The following AXIN1 variants were observed in gnomAD, a reference collection of about 807,000 sequenced individuals.
AXIN1 encodes axin-1.
Under a neutral mutation model 76.4 loss-of-function variants are expected in AXIN1, and 30 were observed. That is an observed-to-expected ratio of 0.39 (90% CI 0.29 to 0.53). The LOEUF (loss-of-function observed/expected upper bound fraction) is 0.53. Among genes scored for constraint, AXIN1 ranks in the 20% least tolerant of loss-of-function variants. AXIN1 has a pLI of 0.66. For missense variants in AXIN1, 1,140 were observed against 1,198.8 expected, an observed-to-expected ratio of 0.95 and a Z score of 0.72; for synonymous variants, 545 against 501.4, an observed-to-expected ratio of 1.09 and a Z score of -1.16.
intron 4 of AXIN1, among the ~76,000 whole-genome samples, chr16:307,260 T>TA (rs1169623534): frequency 6.6e-6 from 1 of 152,086 alleles, no homozygotes; most frequent in South Asian, 2.1e-4. Flanking sequence ...GCGAGCTCCA[T>TA]AAAAAGACTC....
intron 1 of AXIN1, among the ~76,000 whole-genome samples, chr16:347,595 C>T (rs1199806597): frequency 6.6e-6 from 1 of 152,218 alleles, no homozygotes; most frequent in Non-Finnish European, 1.5e-5. Flanking sequence ...GCTACAGCCC[C>T]GAAGGTGGTG....
chr16:292,378 A>G (rs778516427), intron 8 of AXIN1: 2 of 152,270 alleles, frequency 1.3e-5, no homozygotes, highest in Non-Finnish European at 2.9e-5. Flanking sequence ...CAGAGCTGTC[A>G]TTAGGCTCAC....
intron 2 of AXIN1, among the ~76,000 whole-genome samples, chr16:315,304 T>C (rs187494888): frequency 6.6e-6 from 1 of 152,230 alleles, no homozygotes; most frequent in Non-Finnish European, 1.5e-5. Context: ...AATGGTCAGA[T>C]TGGCAGTTTA....
chr16:345,990 G>T (rs2054025326), intron 2 of AXIN1, among the ~76,000 whole-genome samples, 158 bp downstream of exon 2: 1 of 152,124 alleles, frequency 6.6e-6, no homozygotes, highest in Admixed American at 6.6e-5. Flanking sequence ...AATGACAAAT[G>T]CAAAAGTATC....
intron 2 of AXIN1, among the ~76,000 whole-genome samples, chr16:336,977 G>C (rs1048475163): frequency 2.0e-5 from 3 of 151,102 alleles, no homozygotes; most frequent in African/African-American, 7.3e-5. Context: ...GTGAAACCCC[G>C]TCTCTACTAA....
chr16:346,727 C>T lies in AXIN1; in HGVS notation c.299G>A (p.Ser100Asn), dbSNP rs146736831. ...CTGCTTCAGGAAAGTCCTGAACAGG[C>T]TTATCCCATCTTGGTCATCCAGCAG... Reference protein sequence around the residue: ...HSLLDDQDGISLFRTFLKQEG... With the variant: ...HSLLDDQDGINLFRTFLKQEG... The change falls in exon 2 of 11, where the codon AGC becomes AAC. Residue 100 changes from serine to asparagine, a missense_variant. This residue lies in a region of AXIN1 where 708 missense variants were observed against 776.9 expected (regional missense o/e 0.91). Coordinates refer to ENST00000262320, the MANE Select transcript of AXIN1 (RefSeq NM_003502.4). The T allele has an allele frequency of 4.9e-4, 778 of 1,592,566 alleles. 3 individuals carry two copies. Among genetic ancestry groups the T allele is most frequent in the Non-Finnish European group, 5.9e-4 (690 of 1,167,114 alleles).
intron 2 of AXIN1, among the ~76,000 whole-genome samples, chr16:337,497 C>CA (rs35744069): frequency 0.071 from 5,078 of 71,764 alleles, 172 homozygotes; most frequent in African/African-American, 0.13. Flanking sequence ...GGGTCAAAAC[C>CA]AAAAAAAAAA....
chr16:318,556 C>T (rs2053357291), intron 2 of AXIN1, among the ~76,000 whole-genome samples: 1 of 152,156 alleles, frequency 6.6e-6, no homozygotes, highest in African/African-American at 2.4e-5. Flanking sequence ...CAGATGCGAC[C>T]AAGAACGTTC....
intron 5 of AXIN1, among the ~76,000 whole-genome samples, chr16:298,624 C>T (rs1224899705): frequency 2.0e-5 from 3 of 152,218 alleles, no homozygotes; most frequent in Non-Finnish European, 4.4e-5. Flanking sequence ...CCTCCCACCT[C>T]AGCCTCCAGA....
At chr16:332,336 G>GGGA (rs1305431316) in intron 2 of AXIN1, among the ~76,000 whole-genome samples, 1 of 152,110 alleles carries the variant, frequency 6.6e-6, no homozygotes, top group Non-Finnish European at 1.5e-5. Context: ...CCAGCACTTT[G>GGGA]GGAGGCCAAG....
At chr16:326,066 T>C (rs1216412504) in intron 2 of AXIN1, among the ~76,000 whole-genome samples, 1 of 151,992 alleles carries the variant, frequency 6.6e-6, no homozygotes. Flanking sequence ...ACTATATATA[T>C]AACAAGGGCC....
rs188591410 is a variant in AXIN1, at chr16:300,033, G to A, written c.1255-1782C>T. Among the ~76,000 whole-genome samples, 307 of 151,994 alleles carry A rather than the reference G, an allele frequency of 2.0e-3. 2 individuals carry two copies. Among genetic ancestry groups the A allele is most frequent in the African/African-American group, 6.6e-3 (274 of 41,454 alleles). ...GGCTGTAGTGCAATCTCCGCCTCCC[G>A]GGTTCAAGTAATTCTCCTGCCTCAG... On this transcript the variant is annotated intron_variant, in intron 5 of 10. Transcript: ENST00000262320.
intron 2 of AXIN1, among the ~76,000 whole-genome samples, chr16:318,841 T>TGTGGCTGGGGCCCTGGTGAGA (rs1567285096): frequency 6.6e-6 from 1 of 152,030 alleles, no homozygotes; most frequent in African/African-American, 2.4e-5. Flanking sequence ...GCGGTGAGAA[T>TGTGGCTGGGGCCCTGGTGAGA]GCGGCTGGGG....
chr16:295,922 G>A (rs2052699012), intron 7 of AXIN1, among the ~76,000 whole-genome samples: 1 of 151,966 alleles, frequency 6.6e-6, no homozygotes, highest in Non-Finnish European at 1.5e-5. Flanking sequence ...AGCCAAGATT[G>A]CACCACTGCA....
At chr16:304,795 A>G (rs1482232681) in intron 4 of AXIN1, among the ~76,000 whole-genome samples, 2 of 152,152 alleles carry the variant, frequency 1.3e-5, no homozygotes, top group Non-Finnish European at 2.9e-5. Flanking sequence ...TCAGCCTCCC[A>G]AAGTGCTGGG....
At chr16:298,490 C>G (rs1365441864) in intron 5 of AXIN1, among the ~76,000 whole-genome samples, 1 of 152,192 alleles carries the variant, frequency 6.6e-6, no homozygotes, top group Non-Finnish European at 1.5e-5. Flanking sequence ...GTGGGCAGAG[C>G]TCTGCACAGA....
intron 4 of AXIN1, among the ~76,000 whole-genome samples, chr16:306,045 C>T (rs2053014594): frequency 1.3e-5 from 2 of 152,138 alleles, no homozygotes; most frequent in Non-Finnish European, 2.9e-5. Flanking sequence ...TTCCCGTCCA[C>T]CTTCACCCAG....
chr16:297,908 C>G lies in AXIN1; in HGVS notation c.1598G>C (p.Arg533Pro). ...GTGGTGGACGTGGTGGTGGACGTGT[C>G]GGTGGTGGTGCAGGCCGGCCGCGTC... ...KLDAAGLHHH[R>P]HVHHHVHHST... Residue 533 changes from arginine (R) to proline (P), a missense_variant, in exon 6 of 11, where the codon CGA becomes CCA. By Grantham distance (103) the Arg-to-Pro change is moderately radical. Coordinates refer to ENST00000262320, the MANE Select transcript of AXIN1 (RefSeq NM_003502.4). The G allele has an allele frequency of 1.3e-6, 2 of 1,595,440 alleles. No homozygotes were observed. Among genetic ancestry groups the G allele is most frequent in the Non-Finnish European group, 1.7e-6 (2 of 1,170,396 alleles).
chr16:350,483 C>T (rs1045439964), intron 1 of AXIN1, among the ~76,000 whole-genome samples: 5 of 152,214 alleles, frequency 3.3e-5, no homozygotes, highest in African/African-American at 1.2e-4. Flanking sequence ...ACCGCTTAGG[C>T]ATATGCTCCA....
Sources: gnomAD v4.1 joint callset for allele counts (sites outside exome capture counted in the v4.1 genomes callset) on GRCh38, gnomAD v4.1.1 for gene constraint, gnomAD v4.1.1 regional missense constraint, MANE v1.5 for transcripts, NCBI Gene and HGNC (gene_info 2026-07-23, HGNC 2026-07-21) for gene names.